Variants in MCPH1 observed in about 807,000 individuals in gnomAD.
MCPH1 encodes the protein microcephalin.
MCPH1 carries 104 observed loss-of-function variants against 84.5 expected under a neutral mutation model. The ratio of observed to expected loss-of-function variants is 1.23; its 90% CI spans 1.05 to 1.45. The LOEUF (loss-of-function observed/expected upper bound fraction) is 1.45. Ranked by LOEUF, MCPH1 falls within the 40% of genes most tolerant of loss-of-function variation. The pLI is 0.00. For synonymous variants in MCPH1, 514 were observed against 366.8 expected (o/e 1.40, Z -4.58); for missense variants, 1,498 against 1,005.7 (o/e 1.49, Z -6.62).
chr8:6,469,794 C>T (rs1437871929), intron 9 of MCPH1, among the ~76,000 whole-genome samples: 1 of 152,188 alleles, frequency 6.6e-6, no homozygotes, highest in Non-Finnish European at 1.5e-5. Context: ...ATCAGCTAGA[C>T]CATTTCCCAA....
intron 12 of MCPH1, among the ~76,000 whole-genome samples, chr8:6,583,105 A>T (rs944543709): frequency 2.6e-5 from 4 of 152,108 alleles, no homozygotes; most frequent in Non-Finnish European, 4.4e-5. Flanking sequence ...CATCTTGGCA[A>T]TCTCTATCCT....
At chr8:6,436,740 C>T (rs866026413) in intron 5 of MCPH1, among the ~76,000 whole-genome samples, 34 of 151,614 alleles carry the variant, frequency 2.2e-4, no homozygotes, top group South Asian at 1.5e-3. Flanking sequence ...GAGGCAGAGG[C>T]GGGCGGATCA....
At chr8:6,640,117 T>TGC (rs1563228205) in intron 13 of MCPH1, among the ~76,000 whole-genome samples, 12 of 143,522 alleles carry the variant, frequency 8.4e-5, no homozygotes, top group African/African-American at 3.4e-4. Context: ...TGTGTGTGTG[T>TGC]GTGCGTGTGT....
intron 9 of MCPH1, among the ~76,000 whole-genome samples, chr8:6,464,856 G>A (rs1806675656): frequency 6.6e-6 from 1 of 152,136 alleles, no homozygotes; most frequent in Non-Finnish European, 1.5e-5. Context: ...AAAATTACCT[G>A]GGTGTGGTGG....
At chr8:6,504,317 CAAAAA>C (rs35379672) in intron 12 of MCPH1, among the ~76,000 whole-genome samples, 1 of 85,914 alleles carries the variant, frequency 1.2e-5, no homozygotes. Context: ...GACTCCAGCT[CAAAAA>C]AAAAAAAAAA....
intron 12 of MCPH1, among the ~76,000 whole-genome samples, chr8:6,568,485 C>A (rs891974861): frequency 1.2e-4 from 18 of 152,192 alleles, no homozygotes; most frequent in Non-Finnish European, 2.2e-4. Context: ...GTGACCCCTG[C>A]TGTTGTCCAG....
At chr8:6,536,572 G>A (rs1028309713) in intron 12 of MCPH1, among the ~76,000 whole-genome samples, 1 of 152,114 alleles carries the variant, frequency 6.6e-6, no homozygotes, top group African/African-American at 2.4e-5. Context: ...TATCTTCTGG[G>A]AGCATCCTGA....
At chr8:6,604,282 T>C (rs1394617195) in intron 12 of MCPH1, among the ~76,000 whole-genome samples, 1 of 152,224 alleles carries the variant, frequency 6.6e-6, no homozygotes, top group Non-Finnish European at 1.5e-5. Context: ...AGGCCGGCAA[T>C]GTGCTTCACC....
At chr8:6,511,874 A>G (rs1293288288) in intron 12 of MCPH1, among the ~76,000 whole-genome samples, 2 of 151,194 alleles carry the variant, frequency 1.3e-5, no homozygotes, top group Non-Finnish European at 2.9e-5. Context: ...TTATACAAAC[A>G]GCCTAATCCT....
chr8:6,624,783 C>T (rs189121102), intron 13 of MCPH1: 3 of 984,436 alleles, frequency 3.0e-6, no homozygotes, highest in Non-Finnish European at 3.6e-6. Context: ...CACACGTAAA[C>T]CTACAGAACA....
chr8:6,437,631 T>A (rs1240736855), intron 5 of MCPH1, among the ~76,000 whole-genome samples: 3 of 152,188 alleles, frequency 2.0e-5, no homozygotes, highest in Non-Finnish European at 2.9e-5. Context: ...GCCTGCATCA[T>A]TTGTTTCATG....
At position 6,643,484 on chromosome 8, in the gene MCPH1, C is replaced by G. The variant is rs1798062903; in HGVS notation, c.*435C>G. On this transcript the variant is annotated 3_prime_UTR_variant, in exon 14 of 14. Transcript: ENST00000344683. ...TTCGCCATGTTGGCCAGGCTGGTCT[C>G]AAACGCCTGAGCTCAGGTGATCTGT... 1 of 226,144 alleles carries G rather than the reference C, an allele frequency of 4.4e-6. No individual in the cohort carries two copies. The highest frequency in any genetic ancestry group is 8.9e-6 in the Non-Finnish European group (1 of 112,946). 14.0% of individuals were successfully genotyped at this position (226,144 alleles called of 1,614,324 possible).
chr8:6,626,822 T>C (rs921746755), intron 13 of MCPH1: 14 of 985,150 alleles, frequency 1.4e-5, no homozygotes, highest in Admixed American at 6.2e-5. Context: ...CTCTGTGCAC[T>C]CTTCCCTCCC....
In MCPH1 at chr8:6,603,357, G is replaced by A. The variant is rs560386685; in HGVS notation, c.2215-18097G>A. Reference sequence around the variant, plus strand: ...GCATGAGTGAACTTTTCGGGATGACGGAAGTACTCTATATTTTGATTGAGG... The same window carrying A: ...GCATGAGTGAACTTTTCGGGATGACAGAAGTACTCTATATTTTGATTGAGG... On this transcript the variant is annotated intron_variant, in intron 12 of 13. Coordinates refer to ENST00000344683, the MANE Select transcript of MCPH1 (RefSeq NM_024596.5). Among the ~76,000 whole-genome samples, 79 of 152,168 alleles carry A rather than the reference G, an allele frequency of 5.2e-4. 1 individual carries two copies. Among genetic ancestry groups the A allele is most frequent in the Admixed American group, 9.2e-4 (14 of 15,280 alleles).
chr8:6,441,773 A>T (rs1017412369), intron 6 of MCPH1, among the ~76,000 whole-genome samples: 1 of 152,164 alleles, frequency 6.6e-6, no homozygotes, highest in Non-Finnish European at 1.5e-5. Flanking sequence ...TGGGACCCCA[A>T]CGTCACCTCT....
At chr8:6,541,989 C>T (rs1166210032) in intron 12 of MCPH1, among the ~76,000 whole-genome samples, 1 of 132,642 alleles carries the variant, frequency 7.5e-6, no homozygotes, top group East Asian at 2.2e-4. Context: ...GCCTGGGTGA[C>T]AGAATGAGAC....
At chr8:6,618,917 T>C (rs1831125703) in intron 12 of MCPH1, 1 of 152,178 alleles carries the variant, frequency 6.6e-6, no homozygotes, top group African/African-American at 2.4e-5. Context: ...CCGTGGCCTC[T>C]GGGGGCTTCA....
intron 10 of MCPH1, among the ~76,000 whole-genome samples, chr8:6,479,366 A>T (rs904547276): frequency 1.3e-5 from 2 of 152,182 alleles, no homozygotes; most frequent in East Asian, 3.9e-4. Context: ...CCTTTGTAAT[A>T]TAATTTTTGG....
chr8:6,614,184 T>A (rs1486954870), intron 12 of MCPH1, among the ~76,000 whole-genome samples: 1 of 152,200 alleles, frequency 6.6e-6, no homozygotes, highest in Non-Finnish European at 1.5e-5. Context: ...TGACTTCACC[T>A]CTTTTGCAAT....
Sources: gnomAD v4.1 joint callset for allele counts (sites outside exome capture counted in the v4.1 genomes callset) on GRCh38, gnomAD v4.1.1 for gene constraint, MANE v1.5 for transcripts, NCBI Gene and HGNC (gene_info 2026-07-23, HGNC 2026-07-21) for gene names.